Variants in ESCO2 observed in about 807,000 individuals in gnomAD.
The protein encoded by ESCO2 is N-acetyltransferase ESCO2.
ESCO2 carries 51 observed loss-of-function variants against 61.7 expected under a neutral mutation model. The ratio of observed to expected loss-of-function variants is 0.83; its 90% CI spans 0.66 to 1.04. The LOEUF (loss-of-function observed/expected upper bound fraction) is 1.04. Ranked by LOEUF, ESCO2 falls within the 50% of genes least tolerant of loss-of-function variation. ESCO2 has a pLI of 0.00. For missense variants in ESCO2, 692 were observed against 686.2 expected (o/e 1.01, Z -0.09); for synonymous variants, 230 against 238.2 (o/e 0.97, Z 0.32).
At chr8:27,781,343 T>C (rs1804923907) in intron 4 of ESCO2, among the ~76,000 whole-genome samples, 1 of 152,036 alleles carries the variant, frequency 6.6e-6, no homozygotes. Context: ...TTAAAGTTTG[T>C]TTTTTTAGCC....
chr8:27,798,052 T>C (rs966203905), intron 9 of ESCO2, among the ~76,000 whole-genome samples: 1 of 152,170 alleles, frequency 6.6e-6, no homozygotes, highest in African/African-American at 2.4e-5. Context: ...AGGTAAAGAA[T>C]TGAGACAATA....
At chr8:27,776,238 T>A (rs1804786039) in intron 2 of ESCO2, 124 bp from the exon 3 acceptor site, 2 of 705,316 alleles carry the variant, frequency 2.8e-6, no homozygotes, top group South Asian at 3.7e-5. Context: ...AATAGAAAAT[T>A]GTGTGTATGG....
chr8:27,774,612 C>T lies in ESCO2; in HGVS notation c.-17+5C>T, dbSNP rs901355747. On this transcript the variant is annotated splice_donor_5th_base_variant and intron_variant, in intron 1 of 10. Transcript: ENST00000305188. ...TCGCCGGGCTCTGAGGCGCAGGTAA[C>T]CTCTGGAGTAGGCCGAGGCGGGGGG... The T allele has an allele frequency of 2.0e-5, 3 of 152,344 alleles. No individual in the cohort carries two copies. Among genetic ancestry groups the T allele is most frequent in the African/African-American group, 4.8e-5 (2 of 41,436 alleles). The allele number at this position is 152,344 out of a possible 1,614,324, so 9.4% of individuals were successfully genotyped here.
In ESCO2 at chr8:27,804,464, GT is replaced by G. The variant is rs1471756053; in HGVS notation, c.*1028del. 1 of 985,276 alleles carries G rather than the reference GT, an allele frequency of 1.0e-6. No individual in the cohort carries two copies. The highest frequency in any genetic ancestry group is 1.2e-6 in the Non-Finnish European group (1 of 829,928). 61.0% of individuals were successfully genotyped at this position (985,276 alleles called of 1,614,324 possible). A position where few individuals can be genotyped will look rare whatever the true frequency, so the allele number is the denominator to read the frequency against. On this transcript the variant is annotated 3_prime_UTR_variant, in exon 11 of 11. Transcript: ENST00000305188. The stretch of plus-strand genomic sequence containing the variant: ...CAAAATGTATGGTAATAGAACCAAG[GT>G]TAGTAAATATACATAGGCTGGTGGA...
At chr8:27,810,961 C>T (rs1805667470), downstream of ESCO2, 1 of 1,502,710 alleles carries the variant, frequency 6.7e-7, no homozygotes. Context: ...TTCATACCTT[C>T]ATCATCATCA....
upstream of ESCO2, among the ~76,000 whole-genome samples, chr8:27,774,047 TAA>T (rs1439790874): frequency 6.6e-6 from 1 of 152,220 alleles, no homozygotes; most frequent in East Asian, 1.9e-4. Context: ...TAGCAGGTGT[TAA>T]GTTTTATATT....
At chr8:27,806,919 AC>A (rs1805575101), downstream of ESCO2, among the ~76,000 whole-genome samples, 2 of 152,178 alleles carry the variant, frequency 1.3e-5, no homozygotes, top group South Asian at 4.2e-4. Context: ...CCCAGCTGTT[AC>A]TTTTTTTTAA....
chr8:27,781,401 G>A (rs1403370468), intron 4 of ESCO2, among the ~76,000 whole-genome samples: 2 of 151,980 alleles, frequency 1.3e-5, no homozygotes, highest in Non-Finnish European at 2.9e-5. Context: ...TTTTAACTTT[G>A]CTCTTTTCTT....
At chr8:27,819,298 G>A in the ESCO2 span, among the ~76,000 whole-genome samples, 23,952 of 149,028 alleles carry the variant, frequency 0.16, 2,404 homozygotes, top group East Asian at 0.38. Flanking sequence ...TTCTTAGGGC[G>A]TCATTTTTTT....
chr8:27,803,314 T>C lies in ESCO2; in HGVS notation c.1682T>C (p.Phe561Ser). Residue 561 changes from phenylalanine (F) to serine (S), a missense_variant, in exon 11 of 11, where the codon TTC becomes TCC. By Grantham distance (155) the Phe-to-Ser change is radical (BLOSUM62 -2). Transcript: ENST00000305188. ...CTTTTCTTCTCTTTTAGGAATTGCT[T>C]CATGTTTGGCTGTTTTCTCAGCACT... is the stretch of plus-strand genomic sequence containing the variant. ...RRLVDTLRNC[F>S]MFGCFLSTDE... The C allele has an allele frequency of 6.2e-7, 1 of 1,614,094 alleles. No homozygotes were observed. Among genetic ancestry groups the C allele is most frequent in the Non-Finnish European group, 8.5e-7 (1 of 1,179,988 alleles).
At chr8:27,782,291 G>T (rs558001539) in intron 4 of ESCO2, among the ~76,000 whole-genome samples, 25 of 152,066 alleles carry the variant, frequency 1.6e-4, no homozygotes, top group Admixed American at 7.9e-4. Flanking sequence ...TGAGACAGAG[G>T]CTCACTCTCA....
At chr8:27,811,016 C>G (rs774498834), downstream of ESCO2, 11 of 1,612,778 alleles carry the variant, frequency 6.8e-6, no homozygotes, top group Middle Eastern at 1.6e-4. Flanking sequence ...TCATCATTTC[C>G]CACAAAGTAA....
chr8:27,801,367 C>T (rs914310235), intron 10 of ESCO2, among the ~76,000 whole-genome samples: 1 of 152,148 alleles, frequency 6.6e-6, no homozygotes, highest in Non-Finnish European at 1.5e-5. Context: ...AAGCCTCTTG[C>T]ATTCTATGCC....
intron 4 of ESCO2, among the ~76,000 whole-genome samples, chr8:27,783,445 TG>T (rs1215753788): frequency 6.6e-6 from 1 of 152,186 alleles, no homozygotes; most frequent in Non-Finnish European, 1.5e-5. Context: ...CTTTATTTTT[TG>T]TAGAGCAAAA....
rs74373717 is a variant in ESCO2, at chr8:27,787,328, G to GT, written c.1014-545dup. ...AGCTATCCAGCCTAAATATGTTTTTGTTTTTTTTTTTTCCTTAAGAATTTC... is the reference window on the plus strand; with the variant it reads ...AGCTATCCAGCCTAAATATGTTTTTGTTTTTTTTTTTTTCCTTAAGAATTTC... On this transcript the variant is annotated intron_variant, in intron 5 of 10. Coordinates refer to ENST00000305188, the MANE Select transcript of ESCO2 (RefSeq NM_001017420.3). Among the ~76,000 whole-genome samples, 626 of 144,964 alleles carry GT rather than the reference G, an allele frequency of 4.3e-3. 11 individuals are homozygous for GT. The East Asian group carries it at 0.043, about 10-fold the overall frequency.
At chr8:27,788,361 G>A (rs1235622647) in intron 6 of ESCO2, among the ~76,000 whole-genome samples, 4 of 152,082 alleles carry the variant, frequency 2.6e-5, no homozygotes, top group Admixed American at 6.5e-5. Flanking sequence ...AAAAAGTTCC[G>A]TTGTTCATTT....
In ESCO2 at chr8:27,803,989, A is replaced by T; in HGVS notation, c.*551A>T. 1 of 987,920 alleles carries T rather than the reference A, an allele frequency of 1.0e-6. No individual in the cohort carries two copies. The highest frequency in any genetic ancestry group is 1.2e-6 in the Non-Finnish European group (1 of 832,004). 61.2% of individuals were successfully genotyped at this position (987,920 alleles called of 1,614,324 possible). ...CTTTTGGGCTCAAGCGATCCTCCCA[A>T]AACGCTGGGATTACAGTCATGAGCC... On this transcript the variant is annotated 3_prime_UTR_variant, in exon 11 of 11. Coordinates refer to ENST00000305188, the MANE Select transcript of ESCO2 (RefSeq NM_001017420.3).
downstream of ESCO2, among the ~76,000 whole-genome samples, chr8:27,806,222 T>G (rs1461161981): frequency 6.6e-6 from 1 of 152,202 alleles, no homozygotes; most frequent in African/African-American, 2.4e-5. Context: ...GCAGAAGACA[T>G]GCACAGAAAC....
At chr8:27,774,737 A>C (rs1211211580) in intron 1 of ESCO2, 130 bp downstream of exon 1, 1 of 152,252 alleles carries the variant, frequency 6.6e-6, no homozygotes, top group Non-Finnish European at 1.5e-5. Flanking sequence ...CGCAGGCCCG[A>C]GACCGAAGAA....
Sources: gnomAD v4.1 joint callset for allele counts (sites outside exome capture counted in the v4.1 genomes callset) on GRCh38, gnomAD v4.1.1 for gene constraint, MANE v1.5 for transcripts, NCBI Gene and HGNC (gene_info 2026-07-23, HGNC 2026-07-21) for gene names.